The following HMMR variants were observed in gnomAD, a reference collection of about 807,000 sequenced individuals.
The protein encoded by HMMR is hyaluronan mediated motility receptor.
Under a neutral mutation model 101.0 loss-of-function variants are expected in HMMR, and 108 were observed. The observed-to-expected ratio is 1.07, with a 90% CI of 0.92 to 1.25. HMMR has a LOEUF of 1.25. Ranked by LOEUF, HMMR falls within the 50% of genes most tolerant of loss-of-function variation. The probability of loss-of-function intolerance (pLI) is 0.00; values close to 1 mark genes in which losing one functional copy is unlikely to be tolerated. For synonymous variants in HMMR, 296 were observed against 276.4 expected, an observed-to-expected ratio of 1.07 and a Z score of -0.70; for missense variants, 813 against 788.7, an observed-to-expected ratio of 1.03 and a Z score of -0.37.
At chr5:163,477,588 A>G (rs894450219) in intron 11 of HMMR, among the ~76,000 whole-genome samples, 6 of 152,204 alleles carry the variant, frequency 3.9e-5, no homozygotes, top group Admixed American at 3.9e-4. Flanking sequence ...AGATAATGTC[A>G]TTTTAAGAGA....
intron 8 of HMMR, 22 bp downstream of exon 8, chr5:163,473,275 A>T: frequency 6.7e-7 from 1 of 1,502,842 alleles, no homozygotes; most frequent in Non-Finnish European, 9.2e-7. Context: ...AGTAGCTTTA[A>T]ATTGAACCTT....
chr5:163,473,010 T>C (rs1369668875), intron 7 of HMMR, among the ~76,000 whole-genome samples, 169 bp from the exon 8 acceptor site: 3 of 152,210 alleles, frequency 2.0e-5, no homozygotes, highest in Admixed American at 1.3e-4. Context: ...AATTTTAGTC[T>C]TCTATTTTGA....
intron 4 of HMMR, 134 bp downstream of exon 4, chr5:163,467,882 C>G (rs1206350021): frequency 1.6e-5 from 9 of 579,154 alleles, no homozygotes; most frequent in Non-Finnish European, 2.8e-5. Flanking sequence ...ACAGTGCCTA[C>G]AGGAAAACAG....
chr5:163,477,152 T>C (rs1310589869), intron 11 of HMMR, among the ~76,000 whole-genome samples: 2 of 152,254 alleles, frequency 1.3e-5, no homozygotes, highest in African/African-American at 4.8e-5. Context: ...GTTTTGTCCA[T>C]AGTAATTGCT....
chr5:163,466,330 C>G (rs528945262), intron 3 of HMMR, among the ~76,000 whole-genome samples: 18 of 152,142 alleles, frequency 1.2e-4, no homozygotes, highest in Admixed American at 3.3e-4. Flanking sequence ...GAAAAATATT[C>G]AGAGTTGGAA....
At chr5:163,476,668 C>T (rs1759078262) in intron 11 of HMMR, among the ~76,000 whole-genome samples, 1 of 151,912 alleles carries the variant, frequency 6.6e-6, no homozygotes, top group South Asian at 2.1e-4. Flanking sequence ...TGATAAAAAG[C>T]AAATGAGAAA....
intron 16 of HMMR, chr5:163,489,246 C>A (rs1483219992): frequency 6.6e-6 from 1 of 152,426 alleles, no homozygotes; most frequent in African/African-American, 2.4e-5. Flanking sequence ...TGGCTCACCA[C>A]TTACCTCCTG....
intron 2 of HMMR, among the ~76,000 whole-genome samples, chr5:163,464,334 G>A (rs1758631085): frequency 6.6e-6 from 1 of 152,150 alleles, no homozygotes; most frequent in Admixed American, 6.5e-5. Flanking sequence ...AGAAATTTGG[G>A]GCCGGGCAAG....
At chr5:163,463,241 T>C (rs1381810234) in intron 1 of HMMR, among the ~76,000 whole-genome samples, 3 of 152,234 alleles carry the variant, frequency 2.0e-5, no homozygotes, top group Non-Finnish European at 4.4e-5. Flanking sequence ...CTATAAATTA[T>C]CACACAGGAT....
intron 9 of HMMR, 109 bp from the exon 10 acceptor site, chr5:163,473,948 T>C (rs1758984691): frequency 1.2e-6 from 1 of 855,074 alleles, no homozygotes; most frequent in East Asian, 2.7e-5. Context: ...TTTTCTTCTT[T>C]GGAAATACCA....
intron 16 of HMMR, among the ~76,000 whole-genome samples, chr5:163,488,238 A>C (rs898400490): frequency 2.0e-5 from 3 of 152,122 alleles, no homozygotes; most frequent in African/African-American, 7.2e-5. Flanking sequence ...GCATTGCATG[A>C]TACTGAGGTT....
chr5:163,467,752 AG>A lies in HMMR; in HGVS notation c.273+5del. 6.8e-7 allele frequency: 1 copy of A among 1,475,502 alleles called. No homozygotes were observed. The highest frequency in any genetic ancestry group is 2.3e-5 in the East Asian group (1 of 43,846). The allele number at this position is 1,475,502 out of a possible 1,614,324, so 91.4% of individuals were successfully genotyped here. On this transcript the variant is annotated splice_donor_5th_base_variant and intron_variant, in intron 4 of 17. Coordinates refer to ENST00000393915, the MANE Select transcript of HMMR (RefSeq NM_001142556.2). ...TTTGAAGATATTAGAGAAAGAGGTA[AG>A]CAGTGCTTTAAACTTAGTGAAAAGT...
intron 17 of HMMR, among the ~76,000 whole-genome samples, 167 bp downstream of exon 17, chr5:163,490,719 AC>A (rs1759664969): frequency 6.6e-6 from 1 of 152,130 alleles, no homozygotes; most frequent in Non-Finnish European, 1.5e-5. Context: ...TCCTCCTTCT[AC>A]GCTTTCTTTT....
At chr5:163,463,825 A>G (rs1473208117) in intron 1 of HMMR, 31 bp from the exon 2 acceptor site, 1 of 816,254 alleles carries the variant, frequency 1.2e-6, no homozygotes, top group Admixed American at 3.3e-5. Context: ...GTAACATTAG[A>G]TAATATATTA....
At position 163,475,677 on chromosome 5, in the gene HMMR, G is replaced by T. The variant is rs760877349; in HGVS notation, c.1268+5G>T. 6.7e-7 allele frequency: 1 copy of T among 1,498,000 alleles called. No homozygotes were observed. The highest frequency in any genetic ancestry group is 9.2e-7 in the Non-Finnish European group (1 of 1,083,636). 92.8% of individuals were successfully genotyped at this position (1,498,000 alleles called of 1,614,324 possible). ...CCTAGAAGAAAAGCTGAAAGGGTTTGTATTAATAGGATCTCATGTTTATGT... is the reference window on the plus strand; with the variant it reads ...CCTAGAAGAAAAGCTGAAAGGGTTTTTATTAATAGGATCTCATGTTTATGT... On this transcript the variant is annotated splice_donor_5th_base_variant and intron_variant, in intron 11 of 17. Coordinates refer to ENST00000393915, the MANE Select transcript of HMMR (RefSeq NM_001142556.2).
intron 10 of HMMR, among the ~76,000 whole-genome samples, chr5:163,474,986 C>T (rs1360848621): frequency 6.6e-6 from 1 of 151,942 alleles, no homozygotes; most frequent in Non-Finnish European, 1.5e-5. Context: ...GTAGCTATCT[C>T]TGCAATGGGA....
At chr5:163,485,515 A>T (rs755257184) in intron 16 of HMMR, among the ~76,000 whole-genome samples, 8 of 152,140 alleles carry the variant, frequency 5.3e-5, no homozygotes, top group Non-Finnish European at 1.2e-4. Flanking sequence ...TCATTTTTAA[A>T]TTGGATTATT....
chr5:163,490,316 C>T (rs538190007), intron 16 of HMMR, 74 bp from the exon 17 acceptor site: 10 of 1,016,332 alleles, frequency 9.8e-6, no homozygotes, highest in East Asian at 5.0e-5. Flanking sequence ...GGAATTTGCC[C>T]GCAACATTGG....
intron 11 of HMMR, among the ~76,000 whole-genome samples, chr5:163,476,886 C>T (rs931389287): frequency 6.6e-6 from 1 of 152,008 alleles, no homozygotes; most frequent in Non-Finnish European, 1.5e-5. Flanking sequence ...AGTAAATTAG[C>T]CTGGCATCGT....
Sources: allele counts gnomAD v4.1 joint callset (sites outside exome capture counted in the v4.1 genomes callset), GRCh38; gene constraint gnomAD v4.1.1; transcripts MANE v1.5; gene names NCBI Gene and HGNC (gene_info 2026-07-23, HGNC 2026-07-21).